Variants in CTNNA2 observed in about 807,000 individuals in gnomAD.
CTNNA2 encodes the protein catenin alpha 2.
In CTNNA2, 42 loss-of-function variants were observed where a neutral mutation model predicts 101.0. The observed-to-expected ratio is 0.42, with a 90% CI of 0.32 to 0.54. The LOEUF (loss-of-function observed/expected upper bound fraction) is 0.54. CTNNA2 is among the 20% of genes least tolerant of loss of function. The probability of loss-of-function intolerance (pLI) is 0.14; values close to 1 mark genes in which losing one functional copy is unlikely to be tolerated. For synonymous variants in CTNNA2, 450 were observed against 456.4 expected (o/e 0.99, Z 0.18); for missense variants, 871 against 1,223.1 (o/e 0.71, Z 4.29).
rs535172691 is a variant in CTNNA2 at position 80,648,135 on chromosome 2, G to T, written c.*263G>T. On this transcript the variant is annotated 3_prime_UTR_variant, in exon 19 of 19. Transcript: ENST00000402739. ...TCTCATAAAATTGGGCACAGAGTTC[G>T]CATTGGCGCAATATTTATGGGAGTG... 2.5e-5 allele frequency: 7 copies of T among 280,280 alleles called. No individual in the cohort carries two copies. The highest frequency in any genetic ancestry group is 5.0e-5 in the Admixed American group (1 of 20,152). 17.4% of individuals were successfully genotyped at this position (280,280 alleles called of 1,614,324 possible).
At position 80,083,407 on chromosome 2, in the gene CTNNA2, T is replaced by C. The variant is rs527618949; in HGVS notation, c.1056+173610T>C. Among the ~76,000 whole-genome samples the C allele has an allele frequency of 3.9e-5, 6 of 152,200 alleles. No individual in the cohort carries two copies. In the South Asian group the frequency reaches 8.3e-4, roughly 21 times the overall value. ...GCCACAGTAGCAAGCTGAGAAGAGA[T>C]CTTCAAGACTCTGGGTCACAGAAGA... On this transcript the variant is annotated intron_variant, in intron 7 of 18. Coordinates refer to ENST00000402739, the MANE Select transcript of CTNNA2 (RefSeq NM_001282597.3).
intron 12 of CTNNA2, among the ~76,000 whole-genome samples, chr2:80,568,089 T>G (rs1376787913): frequency 6.6e-6 from 1 of 152,198 alleles, no homozygotes; most frequent in African/African-American, 2.4e-5. Context: ...AATAGAATTA[T>G]GAATCTTTCT....
intron 4 of CTNNA2, among the ~76,000 whole-genome samples, chr2:79,412,789 G>A (rs1678431609): frequency 6.6e-6 from 1 of 152,062 alleles, no homozygotes; most frequent in South Asian, 2.1e-4. Context: ...AATTGAGAAG[G>A]AGAAACTGGA....
At chr2:79,399,127 C>T (rs752735174) in intron 4 of CTNNA2, among the ~76,000 whole-genome samples, 45 of 152,062 alleles carry the variant, frequency 3.0e-4, no homozygotes, top group Non-Finnish European at 5.9e-4. Context: ...AACAGCCATA[C>T]TAGAAGGGCA....
At chr2:80,522,707 G>A (rs1445392295) in intron 9 of CTNNA2, among the ~76,000 whole-genome samples, 1 of 152,034 alleles carries the variant, frequency 6.6e-6, no homozygotes, top group Non-Finnish European at 1.5e-5. Flanking sequence ...CCCACTTCTT[G>A]CCAGCCACGT....
At chr2:79,417,026 C>T (rs1001142108) in intron 4 of CTNNA2, among the ~76,000 whole-genome samples, 16 of 152,106 alleles carry the variant, frequency 1.1e-4, no homozygotes, top group African/African-American at 3.6e-4. Flanking sequence ...GCCCAAACTA[C>T]ATCTTTCTGC....
At chr2:79,512,549 T>C (rs1671574707), upstream of CTNNA2, among the ~76,000 whole-genome samples, 1 of 151,570 alleles carries the variant, frequency 6.6e-6, no homozygotes. Flanking sequence ...CCTTTCCTAC[T>C]CTGCGACACC....
intron 7 of CTNNA2, among the ~76,000 whole-genome samples, chr2:80,344,854 G>A (rs746041377): frequency 3.3e-5 from 5 of 151,906 alleles, no homozygotes; most frequent in East Asian, 3.9e-4. Flanking sequence ...CAACTCTATC[G>A]TCCTAGTGCT....
chr2:79,741,430 T>C (rs897026107), intron 2 of CTNNA2, among the ~76,000 whole-genome samples: 5 of 152,168 alleles, frequency 3.3e-5, no homozygotes, highest in Admixed American at 6.5e-5. Context: ...ATATCTCGAA[T>C]GCTAATTGTA....
At chr2:79,445,676 A>G (rs1418712842) in intron 4 of CTNNA2, among the ~76,000 whole-genome samples, 1 of 152,124 alleles carries the variant, frequency 6.6e-6, no homozygotes, top group African/African-American at 2.4e-5. Flanking sequence ...GTGAGTGGAC[A>G]CACTGCATGC....
chr2:79,414,460 A>G (rs1573155102), intron 4 of CTNNA2, among the ~76,000 whole-genome samples: 3 of 152,012 alleles, frequency 2.0e-5, no homozygotes. Flanking sequence ...CTCACAAATA[A>G]TATATACTAT....
intron 7 of CTNNA2, among the ~76,000 whole-genome samples, chr2:80,358,659 CTACTT>C (rs1385422484): frequency 6.6e-6 from 1 of 152,168 alleles, no homozygotes; most frequent in South Asian, 2.1e-4. Flanking sequence ...AGCCACTACT[CTACTT>C]TTATGTTTAG....
At chr2:79,608,731 T>G (rs550895276) in intron 1 of CTNNA2, among the ~76,000 whole-genome samples, 1 of 152,124 alleles carries the variant, frequency 6.6e-6, no homozygotes, top group African/African-American at 2.4e-5. Flanking sequence ...TCTCAGCCAA[T>G]TAGAAACAGA....
chr2:80,354,824 G>A (rs1673628238), intron 7 of CTNNA2, among the ~76,000 whole-genome samples: 2 of 152,138 alleles, frequency 1.3e-5, no homozygotes, highest in South Asian at 4.1e-4. Flanking sequence ...CTGGCAGTGA[G>A]GGTCTAGATC....
chr2:79,702,135 A>G (rs983492780), intron 2 of CTNNA2, among the ~76,000 whole-genome samples: 31 of 151,714 alleles, frequency 2.0e-4, no homozygotes, highest in Admixed American at 8.5e-4. Context: ...GGAATCGGAG[A>G]TGATGACTGA....
rs181172754 is a variant in CTNNA2 at position 79,966,804 on chromosome 2, G to A, written c.1056+57007G>A. Among the ~76,000 whole-genome samples the A allele has an allele frequency of 2.0e-5, 3 of 152,130 alleles. No individual in the cohort carries two copies. In the East Asian group the frequency reaches 5.8e-4, roughly 29 times the overall value. On this transcript the variant is annotated intron_variant, in intron 7 of 18. Coordinates refer to ENST00000402739, the MANE Select transcript of CTNNA2 (RefSeq NM_001282597.3). ...ACCAGGTGATTACTATGCCTTTATTGCAACTTTTTTTATTCTATTATTTCC... is the reference window on the plus strand; with the variant it reads ...ACCAGGTGATTACTATGCCTTTATTACAACTTTTTTTATTCTATTATTTCC...
At chr2:79,696,107 G>A (rs1684637694) in intron 2 of CTNNA2, among the ~76,000 whole-genome samples, 1 of 151,846 alleles carries the variant, frequency 6.6e-6, no homozygotes, top group Non-Finnish European at 1.5e-5. Flanking sequence ...AATGGAAGTG[G>A]GTAGGCATTC....
chr2:79,699,140 G>A (rs758132736), intron 2 of CTNNA2, among the ~76,000 whole-genome samples: 2 of 152,080 alleles, frequency 1.3e-5, no homozygotes, highest in Non-Finnish European at 2.9e-5. Context: ...CCATATGCCT[G>A]TAGGACATAC....
chr2:79,793,998 G>A (rs1675496654), intron 3 of CTNNA2, among the ~76,000 whole-genome samples: 1 of 151,848 alleles, frequency 6.6e-6, no homozygotes, highest in South Asian at 2.1e-4. Context: ...GGTGGGAAGG[G>A]GGTGAGGGAT....
Sources: allele counts gnomAD v4.1 joint callset (sites outside exome capture counted in the v4.1 genomes callset), GRCh38; gene constraint gnomAD v4.1.1; transcripts MANE v1.5; gene names NCBI Gene and HGNC (gene_info 2026-07-23, HGNC 2026-07-21).